MED15: variants seen among roughly 807,000 people sequenced by gnomAD.
MED15 encodes the protein mediator of RNA polymerase II transcription subunit 15.
In MED15, 41 loss-of-function variants were observed where a neutral mutation model predicts 118.7. The observed-to-expected ratio is 0.35, with a 90% confidence interval of 0.27 to 0.45. The LOEUF (loss-of-function observed/expected upper bound fraction) is 0.45. MED15 is among the 20% of genes least tolerant of loss of function. The pLI is 1.00. For missense variants in MED15, 740 were observed against 1,025.5 expected, an observed-to-expected ratio of 0.72 and a Z score of 3.80; for synonymous variants, 436 against 413.9, an observed-to-expected ratio of 1.05 and a Z score of -0.65.
At position 20,568,511 on chromosome 22, in the gene MED15, C is replaced by T. The variant is rs998522496; in HGVS notation, c.1042-10C>T. ...TGGTTCCAAATCACATTCTCTCTTT[C>T]TCCCTCAAGGTCCGAGCTCCGATGG... On this transcript the variant is annotated splice_polypyrimidine_tract_variant and intron_variant, in intron 7 of 17. Transcript: ENST00000263205. The T allele has an allele frequency of 1.2e-6, 2 of 1,613,044 alleles. No homozygotes were observed. Among genetic ancestry groups the T allele is most frequent in the Non-Finnish European group, 1.7e-6 (2 of 1,179,786 alleles).
intron 2 of MED15, among the ~76,000 whole-genome samples, chr22:20,537,960 G>A (rs1475436782): frequency 6.6e-6 from 1 of 152,154 alleles, no homozygotes; most frequent in Non-Finnish European, 1.5e-5. Flanking sequence ...ACTGAGGTGG[G>A]GTAGAGTGGG....
At chr22:20,560,119 C>T (rs1046760001) in intron 5 of MED15, among the ~76,000 whole-genome samples, 2 of 152,096 alleles carry the variant, frequency 1.3e-5, no homozygotes, top group Non-Finnish European at 2.9e-5. Flanking sequence ...CCCCCAACAA[C>T]ATAGAATCAT....
chr22:20,546,999 T>G (rs759867190), intron 2 of MED15, among the ~76,000 whole-genome samples: 10 of 152,212 alleles, frequency 6.6e-5, no homozygotes, highest in Non-Finnish European at 1.5e-4. Context: ...CCCATAATTT[T>G]ACACTAATAT....
At position 20,539,627 on chromosome 22, in the gene MED15, C is replaced by G. The variant is rs905398720; in HGVS notation, c.156+2423C>G. Among the ~76,000 whole-genome samples, 4 of 152,302 alleles carry G rather than the reference C, an allele frequency of 2.6e-5. No individual in the cohort carries two copies. In the South Asian group the frequency reaches 8.3e-4, roughly 32 times the overall value. ...GTAGAGTTGCTGGGTCATACCCTAC[C>G]TCTGTATTTGACCTTTTGAGGAATT... On this transcript the variant is annotated intron_variant, in intron 2 of 17. Coordinates refer to ENST00000263205, the MANE Select transcript of MED15 (RefSeq NM_001003891.3).
At chr22:20,525,722 G>A (rs1021406246) in intron 1 of MED15, among the ~76,000 whole-genome samples, 3 of 151,444 alleles carry the variant, frequency 2.0e-5, no homozygotes, top group African/African-American at 7.3e-5. Context: ...TTTTAGTAGA[G>A]ACGGGGTTTC....
intron 1 of MED15, among the ~76,000 whole-genome samples, chr22:20,512,266 A>G (rs1337218363): frequency 3.9e-5 from 6 of 151,960 alleles, no homozygotes; most frequent in Non-Finnish European, 8.8e-5. Flanking sequence ...GGGATTACAG[A>G]TGTGAGCTAC....
At chr22:20,580,370 C>T (rs904206079) in intron 9 of MED15, among the ~76,000 whole-genome samples, 2 of 152,106 alleles carry the variant, frequency 1.3e-5, no homozygotes, top group African/African-American at 4.8e-5. Context: ...CCTGCAGCTG[C>T]CTTGCTCCTC....
At chr22:20,533,020 G>A (rs931825135) in intron 1 of MED15, among the ~76,000 whole-genome samples, 14 of 152,136 alleles carry the variant, frequency 9.2e-5, no homozygotes, top group Non-Finnish European at 1.8e-4. Flanking sequence ...GTTTTCAGGA[G>A]ACAGAGACTG....
chr22:20,553,843 C>G (rs1405873550), intron 4 of MED15, among the ~76,000 whole-genome samples: 1 of 152,218 alleles, frequency 6.6e-6, no homozygotes, highest in African/African-American at 2.4e-5. Context: ...TGCACTCCAA[C>G]CTGGATGACT....
Position 20,582,723 on chromosome 22 carries a change from G to A in MED15, c.1385G>A (p.Ser462Asn), listed in dbSNP as rs2057025463. 3 of 1,508,814 alleles carry A rather than the reference G, an allele frequency of 2.0e-6. No individual in the cohort carries two copies. Among genetic ancestry groups the A allele is most frequent in the South Asian group, 2.2e-5 (2 of 89,132 alleles). 93.5% of individuals were successfully genotyped at this position (1,508,814 alleles called of 1,614,324 possible). A position where few individuals can be genotyped will look rare whatever the true frequency, so the allele number is the denominator to read the frequency against. Reference protein sequence around the residue: ...PQPSPQPGQPSSQPNSNVSSG... With the variant: ...PQPSPQPGQPNSQPNSNVSSG... ...CCGTCCCCGCAGCCCGGCCAGCCCAGCTCACAGCCCAACTCCAACGTCAGG... is the reference window on the plus strand; with the variant it reads ...CCGTCCCCGCAGCCCGGCCAGCCCAACTCACAGCCCAACTCCAACGTCAGG... The change falls in exon 10 of 18, where the codon AGC (serine) becomes AAC (asparagine). Residue 462 changes from serine to asparagine, a missense_variant. Transcript: ENST00000263205.
chr22:20,530,659 G>T (rs765010903), intron 1 of MED15, among the ~76,000 whole-genome samples: 5 of 152,182 alleles, frequency 3.3e-5, no homozygotes, highest in South Asian at 2.1e-4. Flanking sequence ...GAACCAGGGC[G>T]GTTGTGGAAG....
At chr22:20,569,931 C>G (rs2056584641) in intron 8 of MED15, among the ~76,000 whole-genome samples, 1 of 152,232 alleles carries the variant, frequency 6.6e-6, no homozygotes, top group Non-Finnish European at 1.5e-5. Context: ...TCAGAGTCAG[C>G]TTAGTGGTGG....
rs2057090118 is a variant in MED15 at position 20,584,939 on chromosome 22, C to T, written c.1888C>T (p.Arg630Cys). The change falls in exon 15 of 18, where the codon CGC (arginine) becomes TGC (cysteine). Residue 630 changes from arginine to cysteine, a missense_variant. By Grantham distance (180) the Arg-to-Cys change is radical. Transcript: ENST00000263205. ...PLLDAVLANI[R>C]SPVFNHSLYR... ...CCTGGATGCCGTCCTGGCCAACATC[C>T]GCTCACCTGTCTTCAACCATTCCCT... 7 of 1,614,086 alleles carry T rather than the reference C, an allele frequency of 4.3e-6. No homozygotes were observed. Among genetic ancestry groups the T allele is most frequent in the African/African-American group, 1.3e-5 (1 of 75,044 alleles).
rs775694939 is a variant in MED15 at position 20,566,639 on chromosome 22, A to G, written c.863A>G (p.Gln288Arg). The stretch of plus-strand genomic sequence containing the variant: ...CCTCCGCCCTCCCAGGCTCTGCCCC[A>G]GCAGCTGCAGCAGATGCATCACACA... ...PQPPPSQALP[Q>R]QLQQMHHTQH... The change falls in exon 7 of 18, where the codon CAG becomes CGG. Residue 288 changes from glutamine to arginine, a missense_variant. Coordinates refer to ENST00000263205, the MANE Select transcript of MED15 (RefSeq NM_001003891.3). 1.9e-6 allele frequency: 3 copies of G among 1,614,072 alleles called. No individual in the cohort carries two copies. The highest frequency in any genetic ancestry group is 8.5e-7 in the Non-Finnish European group (1 of 1,179,972).
At chr22:20,529,309 G>T (rs187037017) in intron 1 of MED15, among the ~76,000 whole-genome samples, 16 of 151,772 alleles carry the variant, frequency 1.1e-4, no homozygotes, top group African/African-American at 3.9e-4. Context: ...GTGCAGTGGT[G>T]CTACCTTGGC....
chr22:20,575,312 T>A, intron 9 of MED15, 80 bp downstream of exon 9: 24 of 1,514,970 alleles, frequency 1.6e-5, no homozygotes, highest in Non-Finnish European at 2.1e-5. Flanking sequence ...CACCTGTCAT[T>A]ATCATCGCCG....
intron 2 of MED15, 56 bp from the exon 3 acceptor site, chr22:20,551,380 T>G (rs746032201): frequency 6.6e-7 from 1 of 1,514,704 alleles, no homozygotes; most frequent in Non-Finnish European, 9.2e-7. Context: ...GAAGGGGGAG[T>G]CCGATGACTG....
chr22:20,574,378 G>C (rs1479840257), intron 8 of MED15: 2 of 152,336 alleles, frequency 1.3e-5, no homozygotes, highest in African/African-American at 4.8e-5. Flanking sequence ...AGTTCAAGAA[G>C]TGTCCATTGA....
At chr22:20,583,904 C>T in intron 13 of MED15, 1 of 237,128 alleles carries the variant, frequency 4.2e-6, no homozygotes, top group Non-Finnish European at 8.4e-6. Context: ...TACCTCCAAA[C>T]TGCATGGGCA....
Sources: gnomAD v4.1 joint callset for allele counts (sites outside exome capture counted in the v4.1 genomes callset) on GRCh38, gnomAD v4.1.1 for gene constraint, MANE v1.5 for transcripts, NCBI Gene and HGNC (gene_info 2026-07-23, HGNC 2026-07-21) for gene names.